The following SLC23A1 variants were observed in gnomAD, a reference collection of about 807,000 sequenced individuals.
SLC23A1 encodes the protein solute carrier family 23 member 1.
Under a neutral mutation model 62.5 loss-of-function variants are expected in SLC23A1, and 31 were observed. That is an observed-to-expected ratio of 0.50 (90% confidence interval 0.37 to 0.67). The LOEUF is 0.67. Ranked by LOEUF, SLC23A1 falls within the 30% of genes least tolerant of loss-of-function variation. The pLI is 0.00. For synonymous variants in SLC23A1, 271 were observed against 313.2 expected (o/e 0.87, Z 1.42); for missense variants, 640 against 782.7 (o/e 0.82, Z 2.18).
chr5:139,381,711 A>G (rs912375138), intron 3 of SLC23A1, among the ~76,000 whole-genome samples, 181 bp downstream of exon 3: 1 of 151,932 alleles, frequency 6.6e-6, no homozygotes, highest in Non-Finnish European at 1.5e-5. Context: ...GCCTAGATCA[A>G]GATTCCCAGG....
At chr5:139,377,552 T>C in intron 12 of SLC23A1, 55 bp from the exon 13 acceptor site, 1 of 913,928 alleles carries the variant, frequency 1.1e-6, no homozygotes, top group Non-Finnish European at 1.8e-6. Context: ...GAGAGCAGAG[T>C]TGAGGGACTT....
At chr5:139,382,391 T>G in intron 2 of SLC23A1, 101 bp downstream of exon 2, 2 of 675,122 alleles carry the variant, frequency 3.0e-6, no homozygotes, top group Non-Finnish European at 5.2e-6. Context: ...TGACCTCAGG[T>G]TTTTCTTCCT....
chr5:139,380,180 G>T (rs371072917), intron 6 of SLC23A1, 28 bp downstream of exon 6: 23 of 1,555,868 alleles, frequency 1.5e-5, no homozygotes, highest in African/African-American at 4.1e-5. Flanking sequence ...CTGGGGCTGG[G>T]CAGGGATCAG....
At chr5:139,367,817 TC>T (rs1161087679) in intron 14 of SLC23A1, among the ~76,000 whole-genome samples, 186 bp from the exon 15 acceptor site, 1 of 152,252 alleles carries the variant, frequency 6.6e-6, no homozygotes, top group African/African-American at 2.4e-5. Context: ...AATTCCTTGT[TC>T]CGTGCTATTC....
Position 139,379,893 on chromosome 5 carries a change from T to G in SLC23A1, c.769-59A>C, listed in dbSNP as rs1011138920. ...CTGGAGGTCTCTGTCCAGGCTAACC[T>G]GCTCCCACCTCAGCCCAAGCCCTGG... On this transcript the variant is annotated intron_variant, in intron 7 of 14. Transcript: ENST00000348729. This position sits in a 1 kb window ranked among gnomAD's most constrained non-coding sequence, Gnocchi z 4.7. The G allele has an allele frequency of 1.2e-6, 2 of 1,613,760 alleles. No individual in the cohort carries two copies. Among genetic ancestry groups the G allele is most frequent in the African/African-American group, 2.7e-5 (2 of 74,890 alleles).
upstream of SLC23A1, chr5:139,384,491 C>T (rs771665854): frequency 2.4e-4 from 313 of 1,289,856 alleles, no homozygotes; most frequent in Middle Eastern, 4.3e-3. Flanking sequence ...TTCCTCTGTC[C>T]GCCTGTCCTC....
At chr5:139,370,470 C>CTTTA (rs70982775) in intron 14 of SLC23A1, among the ~76,000 whole-genome samples, 67,259 of 139,934 alleles carry the variant, frequency 0.48, 18,709 homozygotes, top group Non-Finnish European at 0.63. Context: ...CGCACCCAGC[C>CTTTA]TTTATTTATT....
In SLC23A1 at chr5:139,378,256, G is replaced by A; in HGVS notation, c.1275C>T (p.Asp425=). ...TGCAGAACATGCCCCCCAGGATGGG[G>A]TCAGGGAGCGAGGCGAAGAGGGCCG... is the stretch of plus-strand genomic sequence containing the variant. ...KFTALFASLP[D]PILGGMFCTL... The change falls in exon 11 of 15, where the codon GAC becomes GAT. Residue 425 remains aspartate (D), a synonymous_variant. Transcript: ENST00000348729. The surrounding 1 kb of genome is among the most constrained non-coding windows in gnomAD (Gnocchi z 4.5). The A allele has an allele frequency of 1.2e-6, 2 of 1,610,892 alleles. No homozygotes were observed. Among genetic ancestry groups the A allele is most frequent in the Non-Finnish European group, 1.7e-6 (2 of 1,178,890 alleles).
intron 1 of SLC23A1, 80 bp from the exon 2 acceptor site, chr5:139,382,685 C>T (rs761292986): frequency 1.1e-6 from 1 of 898,504 alleles, no homozygotes; most frequent in Non-Finnish European, 1.8e-6. Context: ...ATCAATCAGG[C>T]AGCCCAAGTG....
intron 3 of SLC23A1, 66 bp downstream of exon 3, chr5:139,381,826 T>A: frequency 7.5e-7 from 1 of 1,328,208 alleles, no homozygotes; most frequent in Non-Finnish European, 1.0e-6. Flanking sequence ...GGAGCCCACC[T>A]GCTCCTGCTG....
rs1300370333 is a variant in SLC23A1 at position 139,378,402 on chromosome 5, G to C, written c.1180-51C>G. Reference sequence around the variant, plus strand: ...AGACCTGGGGACGAGGCTGGGGCGGGGTTAGTTCCAGGGGCGGGGCCTGTT... The same window carrying C: ...AGACCTGGGGACGAGGCTGGGGCGGCGTTAGTTCCAGGGGCGGGGCCTGTT... On this transcript the variant is annotated intron_variant, in intron 10 of 14. Transcript: ENST00000348729. This position sits in a 1 kb window ranked among gnomAD's most constrained non-coding sequence, Gnocchi z 4.5. The C allele has an allele frequency of 2.6e-6, 4 of 1,541,996 alleles. No homozygotes were observed. Among genetic ancestry groups the C allele is most frequent in the Non-Finnish European group, 3.5e-6 (4 of 1,142,180 alleles).
chr5:139,375,835 C>CAA lies in SLC23A1; in HGVS notation c.1549+1565_1549+1566dup, dbSNP rs59400871. 6.1e-3 allele frequency among the ~76,000 whole-genome samples: 899 copies of CAA among 147,208 alleles called. 11 individuals are homozygous for CAA. Among genetic ancestry groups the CAA allele is most frequent in the Admixed American group, 0.023 (338 of 14,814 alleles). ...GGGTGACAAGAGCAAGACTCCATCT[C>CAA]AAAAAAAAAAAATTGAGGACAGGTG... On this transcript the variant is annotated intron_variant, in intron 13 of 14. Transcript: ENST00000348729.
Position 139,377,955 on chromosome 5 carries a change from C to A in SLC23A1, c.1453+20G>T, listed in dbSNP as rs745663361. Reference sequence around the variant, plus strand: ...TTTGGGCCCACCCCGCCTTTGGAGACAGTAAACAGCTGGAGGCACCTGTAT... The same window carrying A: ...TTTGGGCCCACCCCGCCTTTGGAGAAAGTAAACAGCTGGAGGCACCTGTAT... On this transcript the variant is annotated intron_variant, in intron 12 of 14. Transcript: ENST00000348729. 1.2e-6 allele frequency: 2 copies of A among 1,611,636 alleles called. No individual in the cohort carries two copies. Among genetic ancestry groups the A allele is most frequent in the African/African-American group, 2.7e-5 (2 of 75,002 alleles).
intron 14 of SLC23A1, among the ~76,000 whole-genome samples, chr5:139,370,744 G>C (rs917601473): frequency 2.6e-5 from 4 of 151,776 alleles, no homozygotes; most frequent in East Asian, 1.9e-4. Context: ...TCGCCCTTAA[G>C]AGTAAAGATT....
At chr5:139,374,048 T>A (rs899351121) in intron 13 of SLC23A1, among the ~76,000 whole-genome samples, 4 of 152,164 alleles carry the variant, frequency 2.6e-5, no homozygotes, top group Non-Finnish European at 5.9e-5. Context: ...ACCCTCCCAA[T>A]AACTCCAGCC....
In SLC23A1 at chr5:139,383,124, G is replaced by A. The variant is rs533340095; in HGVS notation, c.36+94C>T. The A allele has an allele frequency of 2.7e-4, 219 of 808,708 alleles. 1 individual carries two copies. The East Asian group carries it at 5.3e-3, about 19-fold the overall frequency. 50.1% of individuals were successfully genotyped at this position (808,708 alleles called of 1,614,324 possible). A position where few individuals can be genotyped will look rare whatever the true frequency, so the allele number is the denominator to read the frequency against. On this transcript the variant is annotated intron_variant, in intron 1 of 14. Coordinates refer to ENST00000348729, the MANE Select transcript of SLC23A1 (RefSeq NM_005847.5). ...TCACTCTTATCAAGTTCATCAGAAC[G>A]TTTATCTCTGGCCTCCAGGAAGAAG...
chr5:139,376,175 T>C (rs1374743959), intron 13 of SLC23A1, among the ~76,000 whole-genome samples: 1 of 34,676 alleles, frequency 2.9e-5, no homozygotes, highest in Non-Finnish European at 5.7e-5. Flanking sequence ...TGCGATGTTT[T>C]AATTTTTTTT....
In SLC23A1 at chr5:139,379,534, G is replaced by T; in HGVS notation, c.925+144C>A. On this transcript the variant is annotated intron_variant, in intron 8 of 14. Transcript: ENST00000348729. This position sits in a 1 kb window ranked among gnomAD's most constrained non-coding sequence, Gnocchi z 4.7. Reference sequence around the variant, plus strand: ...AGCCAGGAAGTGGGACTGAAGCTTTGTCTAAGTAAAACACCACTCTGCTGG... The same window carrying T: ...AGCCAGGAAGTGGGACTGAAGCTTTTTCTAAGTAAAACACCACTCTGCTGG... 1 of 1,047,416 alleles carries T rather than the reference G, an allele frequency of 9.5e-7. No individual in the cohort carries two copies. The highest frequency in any genetic ancestry group is 1.5e-6 in the Non-Finnish European group (1 of 687,328). 64.9% of individuals were successfully genotyped at this position (1,047,416 alleles called of 1,614,324 possible).
chr5:139,371,977 C>T lies in SLC23A1; in HGVS notation c.*19+10G>A, dbSNP rs1006605015. 2.5e-6 allele frequency: 4 copies of T among 1,605,756 alleles called. No individual in the cohort carries two copies. The highest frequency in any genetic ancestry group is 1.3e-5 in the African/African-American group (1 of 74,680). On this transcript the variant is annotated intron_variant, in intron 14 of 14. Coordinates refer to ENST00000348729, the MANE Select transcript of SLC23A1 (RefSeq NM_005847.5). ...TCAACCCTCCCACAAAAACCATAGA[C>T]ACATCCTACCTTTCCTGGAAGTCAT...
Sources: gnomAD v4.1 joint callset for allele counts (sites outside exome capture counted in the v4.1 genomes callset) on GRCh38, gnomAD v4.1.1 for gene constraint, Gnocchi (gnomAD v3.1) non-coding constraint, MANE v1.5 for transcripts, NCBI Gene and HGNC (gene_info 2026-07-23, HGNC 2026-07-21) for gene names.